COL14A1: variants seen among roughly 807,000 people sequenced by gnomAD.
COL14A1 encodes collagen alpha-1(XIV) chain.
Under a neutral mutation model 230.3 loss-of-function variants are expected in COL14A1, and 136 were observed. That is an observed-to-expected ratio of 0.59 (90% CI 0.51 to 0.68). The LOEUF (loss-of-function observed/expected upper bound fraction) is 0.68, where lower values mean the gene tolerates loss of function less well. Ranked by LOEUF, COL14A1 falls within the 30% of genes least tolerant of loss-of-function variation. The pLI, the probability that COL14A1 is intolerant of heterozygous loss-of-function variation, is 0.00. For synonymous variants in COL14A1, 792 were observed against 784.1 expected (o/e 1.01, Z -0.17); for missense variants, 1,976 against 2,215.8 (o/e 0.89, Z 2.17).
intron 33 of COL14A1, 111 bp from the exon 34 acceptor site, chr8:120,289,497 A>T: frequency 6.5e-5 from 58 of 894,800 alleles, no homozygotes; most frequent in Non-Finnish European, 8.9e-5. Flanking sequence ...ATGGTGACAG[A>T]ATTCTTTCTC....
intron 38 of COL14A1, among the ~76,000 whole-genome samples, chr8:120,315,331 C>A (rs185349258): frequency 5.9e-4 from 84 of 141,268 alleles, no homozygotes; most frequent in African/African-American, 2.2e-3. Flanking sequence ...GATCGTGTCA[C>A]TGCACTCCAG....
intron 10 of COL14A1, among the ~76,000 whole-genome samples, chr8:120,207,745 C>T (rs1817485296): frequency 6.6e-6 from 1 of 151,430 alleles, no homozygotes; most frequent in African/African-American, 2.4e-5. Flanking sequence ...TCTGACTGAC[C>T]TCAGCATATT....
intron 45 of COL14A1, among the ~76,000 whole-genome samples, chr8:120,346,130 T>A (rs1186516183): frequency 1.3e-5 from 2 of 152,250 alleles, no homozygotes; most frequent in Non-Finnish European, 2.9e-5. Context: ...CATCTTCCTA[T>A]TATATCAGAC....
intron 1 of COL14A1, among the ~76,000 whole-genome samples, chr8:120,128,355 A>G (rs1294862347): frequency 1.3e-5 from 2 of 152,168 alleles, no homozygotes; most frequent in East Asian, 3.9e-4. Context: ...CTTGGGGAAG[A>G]AAATAATATT....
chr8:120,354,950 A>G (rs945822847), intron 45 of COL14A1, among the ~76,000 whole-genome samples: 3 of 151,746 alleles, frequency 2.0e-5, no homozygotes, highest in Non-Finnish European at 4.4e-5. Context: ...CTAGTTGGTT[A>G]CCTCTCCCCA....
At chr8:120,355,717 A>C (rs907852190) in intron 45 of COL14A1, among the ~76,000 whole-genome samples, 3 of 152,072 alleles carry the variant, frequency 2.0e-5, no homozygotes, top group Non-Finnish European at 2.9e-5. Flanking sequence ...CACCGCACCC[A>C]GCCTGATTTC....
At chr8:120,350,703 T>C (rs1260590064) in intron 45 of COL14A1, among the ~76,000 whole-genome samples, 1 of 145,620 alleles carries the variant, frequency 6.9e-6, no homozygotes, top group African/African-American at 2.6e-5. Context: ...TAAATATATA[T>C]GCACCCAATA....
rs771617828 is a variant in COL14A1, at chr8:120,243,881, T to C, written c.2352T>C (p.Val784=). The change falls in exon 20 of 48, where the codon GTT becomes GTC. Residue 784 remains valine, a splice_region_variant and synonymous_variant. Coordinates refer to ENST00000297848, the MANE Select transcript of COL14A1 (RefSeq NM_021110.4). The part of the protein sequence containing the change: ...GDPEEEVIGT[V]MVPGSQNNLL... ...CAGTCCTTTGCTTTTTTGTTCAGGTTATGGTGCCTGGAAGCCAGAACAACC... is the reference window on the plus strand; with the variant it reads ...CAGTCCTTTGCTTTTTTGTTCAGGTCATGGTGCCTGGAAGCCAGAACAACC... 9 of 1,612,754 alleles carry C rather than the reference T, an allele frequency of 5.6e-6. No individual in the cohort carries two copies. Among genetic ancestry groups the C allele is most frequent in the Non-Finnish European group, 7.6e-6 (9 of 1,179,214 alleles).
At chr8:120,205,897 T>G (rs1250300191) in intron 9 of COL14A1, among the ~76,000 whole-genome samples, 1 of 152,204 alleles carries the variant, frequency 6.6e-6, no homozygotes, top group Non-Finnish European at 1.5e-5. Context: ...TTTAAGCTCT[T>G]TATTATAATT....
intron 40 of COL14A1, among the ~76,000 whole-genome samples, chr8:120,322,544 C>T (rs1821490050): frequency 6.6e-6 from 1 of 152,268 alleles, no homozygotes; most frequent in South Asian, 2.1e-4. Flanking sequence ...TCTCCCTCCT[C>T]CCATCCTTCA....
At chr8:120,283,455 T>A (rs1820101475) in intron 31 of COL14A1, among the ~76,000 whole-genome samples, 181 bp from the exon 32 acceptor site, 1 of 152,170 alleles carries the variant, frequency 6.6e-6, no homozygotes, top group Non-Finnish European at 1.5e-5. Context: ...CAAAATGATA[T>A]AAATTGGACA....
chr8:120,213,253 A>T (rs1817661945), intron 13 of COL14A1, among the ~76,000 whole-genome samples: 1 of 152,182 alleles, frequency 6.6e-6, no homozygotes. Context: ...TATAAACAAT[A>T]TTACTGTGGC....
intron 14 of COL14A1, 105 bp downstream of exon 14, chr8:120,216,595 T>C (rs1038239266): frequency 2.5e-6 from 3 of 1,176,624 alleles, no homozygotes; most frequent in African/African-American, 3.1e-5. Context: ...ATAATAGTAA[T>C]TATTTATTGT....
intron 9 of COL14A1, among the ~76,000 whole-genome samples, chr8:120,206,294 C>T (rs1817429559): frequency 6.6e-6 from 1 of 152,168 alleles, no homozygotes; most frequent in African/African-American, 2.4e-5. Context: ...AAAAAAACTT[C>T]TTAAGACTCT....
intron 40 of COL14A1, among the ~76,000 whole-genome samples, chr8:120,320,789 T>C (rs1053927568): frequency 9.8e-5 from 15 of 152,308 alleles, no homozygotes; most frequent in African/African-American, 3.6e-4. Flanking sequence ...GTGATGATGG[T>C]ATATGCAGTT....
At chr8:120,362,863 C>G (rs1244570109) in intron 45 of COL14A1, among the ~76,000 whole-genome samples, 1 of 152,170 alleles carries the variant, frequency 6.6e-6, no homozygotes, top group Non-Finnish European at 1.5e-5. Context: ...GGTTACTCTA[C>G]AGAAAACTAA....
intron 36 of COL14A1, among the ~76,000 whole-genome samples, chr8:120,307,554 A>C (rs2130067947): frequency 6.6e-6 from 1 of 152,356 alleles, no homozygotes; most frequent in South Asian, 2.1e-4. Flanking sequence ...CATATGAAGA[A>C]TTTCTACTCA....
chr8:120,296,500 T>A (rs1429962369), intron 34 of COL14A1, among the ~76,000 whole-genome samples: 1 of 151,966 alleles, frequency 6.6e-6, no homozygotes, highest in Non-Finnish European at 1.5e-5. Context: ...TAGTACTATT[T>A]GGGAGAAAAT....
chr8:120,300,542 G>A (rs1820678542), intron 35 of COL14A1, among the ~76,000 whole-genome samples, 190 bp from the exon 36 acceptor site: 1 of 152,042 alleles, frequency 6.6e-6, no homozygotes, highest in African/African-American at 2.4e-5. Flanking sequence ...GTGATTATCA[G>A]TGACTAGGAG....
Sources: gnomAD v4.1 joint callset for allele counts (sites outside exome capture counted in the v4.1 genomes callset) on GRCh38, gnomAD v4.1.1 for gene constraint, MANE v1.5 for transcripts, NCBI Gene and HGNC (gene_info 2026-07-23, HGNC 2026-07-21) for gene names.